MACROD1: variants seen among roughly 807,000 people sequenced by gnomAD.
MACROD1 encodes the protein mono-ADP ribosylhydrolase 1.
A neutral mutation model predicts 41.4 loss-of-function variants in MACROD1; 31 were observed. The observed-to-expected ratio is 0.75, with a 90% CI of 0.56 to 1.01. MACROD1 has a LOEUF of 1.01. Ranked by LOEUF, MACROD1 falls within the 50% of genes least tolerant of loss-of-function variation. The pLI is 0.00. For missense variants in MACROD1, 473 were observed against 460.0 expected (o/e 1.03, Z -0.26); for synonymous variants, 252 against 203.4 (o/e 1.24, Z -2.03).
At chr11:64,042,366 A>G (rs1465438974) in intron 3 of MACROD1, among the ~76,000 whole-genome samples, 1 of 152,028 alleles carries the variant, frequency 6.6e-6, no homozygotes, top group Admixed American at 6.5e-5. Context: ...TCCTGCCCCC[A>G]GACAGTGGCC....
chr11:64,076,700 TC>T (rs1184873959), intron 3 of MACROD1, among the ~76,000 whole-genome samples: 2 of 152,180 alleles, frequency 1.3e-5, no homozygotes, highest in African/African-American at 4.8e-5. Flanking sequence ...AGGTTGGTCC[TC>T]CATGTTTTCA....
chr11:64,076,273 C>T (rs143456768), intron 3 of MACROD1, among the ~76,000 whole-genome samples: 13 of 152,332 alleles, frequency 8.5e-5, no homozygotes, highest in Non-Finnish European at 1.9e-4. Context: ...CCCCCATGAC[C>T]CTCCACTGCA....
At chr11:64,029,845 T>G (rs896303948) in intron 3 of MACROD1, among the ~76,000 whole-genome samples, 5 of 152,106 alleles carry the variant, frequency 3.3e-5, no homozygotes, top group African/African-American at 1.2e-4. Context: ...AAAAGCATAT[T>G]CTCTGCTGGG....
chr11:64,151,013 A>C (rs1318061703), intron 3 of MACROD1, among the ~76,000 whole-genome samples: 2 of 152,086 alleles, frequency 1.3e-5, no homozygotes, highest in South Asian at 4.1e-4. Context: ...CCGGCCACTA[A>C]TGGGTCTCAG....
rs1944325499 is a variant in MACROD1, at chr11:64,082,679, G to A, written c.518-67398C>T. 6.6e-6 allele frequency among the ~76,000 whole-genome samples: 1 copy of A among 152,144 alleles called. No homozygotes were observed. Among genetic ancestry groups the A allele is most frequent in the Non-Finnish European group, 1.5e-5 (1 of 68,002 alleles). On this transcript the variant is annotated intron_variant, in intron 3 of 10. Transcript: ENST00000255681. This position sits in a 1 kb window ranked among gnomAD's most constrained non-coding sequence, Gnocchi z 4.5. ...GCCTGGAGCCCCAGACCCCTGTCCT[G>A]CTCCACCCTGCAGGCCCCTGGGTCT...
intron 3 of MACROD1, among the ~76,000 whole-genome samples, chr11:64,092,279 A>G (rs1807304): frequency 0.19 from 28,790 of 152,192 alleles, 3,105 homozygotes; most frequent in Non-Finnish European, 0.25. Flanking sequence ...ATGGTTTCAT[A>G]TGGGGAGAAT....
At chr11:64,143,753 TACACACACACACACAC>T (rs55995667) in intron 3 of MACROD1, among the ~76,000 whole-genome samples, 162 of 101,672 alleles carry the variant, frequency 1.6e-3, no homozygotes, top group African/African-American at 5.4e-3. Flanking sequence ...GACACACACA[TACACACACACACACAC>T]ACACACACAC....
intron 3 of MACROD1, chr11:64,118,307 G>C: frequency 5.2e-6 from 8 of 1,537,248 alleles, no homozygotes; most frequent in Non-Finnish European, 7.0e-6. Context: ...CGCCCACCCG[G>C]GCTGCCCCGC....
rs377249334 is a variant in MACROD1 at position 64,132,546 on chromosome 11, C to A, written c.517+18693G>T. 2.3e-3 allele frequency among the ~76,000 whole-genome samples: 347 copies of A among 152,264 alleles called. 3 individuals carry two copies. Among genetic ancestry groups the A allele is most frequent in the African/African-American group, 8.1e-3 (337 of 41,540 alleles). ...GGGACGGGCGGGTCCTGAGCAGGCC[C>A]TCCCCAGTCAGCGGCTCCTCGGGGT... On this transcript the variant is annotated intron_variant, in intron 3 of 10. Transcript: ENST00000255681.
chr11:64,086,295 T>G (rs901847595), intron 3 of MACROD1, among the ~76,000 whole-genome samples: 2 of 151,822 alleles, frequency 1.3e-5, no homozygotes. Context: ...TTAGGAGGCG[T>G]AAAGTGCATA....
At chr11:64,110,543 A>G (rs1944843081) in intron 3 of MACROD1, among the ~76,000 whole-genome samples, 1 of 152,098 alleles carries the variant, frequency 6.6e-6, no homozygotes, top group Non-Finnish European at 1.5e-5. Context: ...GGCAGGGGAC[A>G]ACGACTGATA....
chr11:64,118,239 A>G (rs752857407), intron 3 of MACROD1: 1 of 1,608,170 alleles, frequency 6.2e-7, no homozygotes. Context: ...CTACGGCACC[A>G]CGCGGGGCTA....
rs1942775286 is a variant in MACROD1 at position 63,999,346 on chromosome 11, C to T, written c.876G>A (p.Glu292=). 1.3e-6 allele frequency: 2 copies of T among 1,570,862 alleles called. No individual in the cohort carries two copies. The highest frequency in any genetic ancestry group is 8.6e-7 in the Non-Finnish European group (1 of 1,164,028). ...CAGGACTCACCTTGTCCTTGTGCTG[C>T]TCCAGCCACTCTCGCAGCGTGGCCA... The part of the protein sequence containing the change: ...IVLATLREWL[E]QHKDKVDRLI... The change falls in exon 8 of 11, where the codon GAG becomes GAA. Residue 292 remains glutamate, a synonymous_variant. Transcript: ENST00000255681.
intron 3 of MACROD1, among the ~76,000 whole-genome samples, chr11:64,051,382 A>G (rs748402233): frequency 2.0e-4 from 30 of 152,192 alleles, no homozygotes; most frequent in Non-Finnish European, 4.1e-4. Context: ...GAGAGGCAGC[A>G]GGGACTCTGG....
chr11:64,066,556 CT>C (rs1421809219), intron 3 of MACROD1, among the ~76,000 whole-genome samples: 1 of 151,000 alleles, frequency 6.6e-6, no homozygotes, highest in Non-Finnish European at 1.5e-5. Context: ...GAGGTCAAGG[CT>C]ACAGTGCAGT....
At chr11:64,037,637 T>C (rs1943407488) in intron 3 of MACROD1, among the ~76,000 whole-genome samples, 2 of 152,078 alleles carry the variant, frequency 1.3e-5, no homozygotes, top group African/African-American at 4.8e-5. Flanking sequence ...GGGTCGGCCA[T>C]GGGCACAGGG....
intron 3 of MACROD1, among the ~76,000 whole-genome samples, chr11:64,128,645 C>G (rs1431462563): frequency 1.3e-5 from 2 of 151,388 alleles, no homozygotes; most frequent in Non-Finnish European, 2.9e-5. Flanking sequence ...CAGACTCCAG[C>G]CTCAGTGCAG....
At chr11:64,053,911 C>G (rs369601859) in intron 3 of MACROD1, among the ~76,000 whole-genome samples, 6 of 152,128 alleles carry the variant, frequency 3.9e-5, no homozygotes, top group Non-Finnish European at 7.4e-5. Context: ...TCATCCCCCC[C>G]ACCACCTCTG....
At chr11:64,040,952 G>A (rs1179333062) in intron 3 of MACROD1, among the ~76,000 whole-genome samples, 2 of 152,062 alleles carry the variant, frequency 1.3e-5, no homozygotes, top group East Asian at 1.9e-4. Context: ...GGGGTCAAAG[G>A]GCATCCTCAT....
Sources: gnomAD v4.1 joint callset for allele counts (sites outside exome capture counted in the v4.1 genomes callset) on GRCh38, gnomAD v4.1.1 for gene constraint, Gnocchi (gnomAD v3.1) non-coding constraint, MANE v1.5 for transcripts, NCBI Gene and HGNC (gene_info 2026-07-23, HGNC 2026-07-21) for gene names.